TIAM1: variants seen among roughly 807,000 people sequenced by gnomAD.
The protein encoded by TIAM1 is rho guanine nucleotide exchange factor TIAM1.
In TIAM1, 65 loss-of-function variants were observed where a neutral mutation model predicts 163.5. That is an observed-to-expected ratio of 0.40 (90% CI 0.33 to 0.49). The LOEUF (loss-of-function observed/expected upper bound fraction) is 0.49, where lower values mean the gene tolerates loss of function less well. TIAM1 is among the 20% of genes least tolerant of loss of function. The pLI, the probability that TIAM1 is intolerant of heterozygous loss-of-function variation, is 0.77. For synonymous variants in TIAM1, 833 were observed against 810.1 expected (o/e 1.03, Z -0.48); for missense variants, 1,789 against 2,044.7 (o/e 0.87, Z 2.41).
chr21:31,255,778 T>A (rs7283333), intron 4 of TIAM1, among the ~76,000 whole-genome samples: 1 of 152,146 alleles, frequency 6.6e-6, no homozygotes, highest in Non-Finnish European at 1.5e-5. Context: ...ATGATCTAGC[T>A]GAGACTTCCA....
intron 4 of TIAM1, among the ~76,000 whole-genome samples, chr21:31,263,963 G>C (rs572689318): frequency 3.3e-5 from 5 of 152,270 alleles, no homozygotes; most frequent in African/African-American, 1.2e-4. Flanking sequence ...AGGGTAGACA[G>C]AGGGGCTGCA....
At position 31,501,198 on chromosome 21, in the gene TIAM1, G is replaced by A. The variant is rs181061609; in HGVS notation, c.-421-37163C>T. 1.0e-3 allele frequency among the ~76,000 whole-genome samples: 154 copies of A among 152,258 alleles called. 1 individual carries two copies. Among genetic ancestry groups the A allele is most frequent in the Admixed American group, 8.6e-3 (131 of 15,284 alleles). On this transcript the variant is annotated intron_variant, in intron 1 of 28. Transcript: ENST00000286827. ...AAGGACCTTCAGATGCAGTCCAGAA[G>A]GTCAGGACCACACATTCCATTACTG... is the stretch of plus-strand genomic sequence containing the variant.
chr21:31,526,744 C>A (rs552177331), intron 1 of TIAM1, among the ~76,000 whole-genome samples: 1 of 152,090 alleles, frequency 6.6e-6, no homozygotes, highest in Admixed American at 6.5e-5. Flanking sequence ...CTATGTCACC[C>A]AGGCTGGAGT....
At chr21:31,276,302 G>T (rs996779730) in intron 3 of TIAM1, among the ~76,000 whole-genome samples, 3 of 152,182 alleles carry the variant, frequency 2.0e-5, no homozygotes, top group African/African-American at 7.2e-5. Context: ...ACAAATATAA[G>T]ATGATCTTTG....
intron 2 of TIAM1, among the ~76,000 whole-genome samples, chr21:31,407,106 G>A (rs765202010): frequency 2.0e-5 from 3 of 152,158 alleles, no homozygotes; most frequent in South Asian, 4.1e-4. Flanking sequence ...AGGTTCTCTC[G>A]AAACATCTCA....
intron 2 of TIAM1, among the ~76,000 whole-genome samples, chr21:31,291,523 GTTTA>G (rs1004675641): frequency 3.3e-5 from 5 of 151,702 alleles, no homozygotes; most frequent in South Asian, 2.1e-4. Flanking sequence ...TTATTTATTT[GTTTA>G]TTTATTTATT....
chr21:31,272,274 C>T (rs2073090638), intron 3 of TIAM1, among the ~76,000 whole-genome samples: 1 of 151,936 alleles, frequency 6.6e-6, no homozygotes, highest in Non-Finnish European at 1.5e-5. Flanking sequence ...TGTATGTGTA[C>T]CACCGTAAAG....
intron 2 of TIAM1, among the ~76,000 whole-genome samples, chr21:31,354,570 T>A (rs2147122937): frequency 6.6e-6 from 1 of 152,180 alleles, no homozygotes; most frequent in Non-Finnish European, 1.5e-5. Flanking sequence ...CTCCCTGAAG[T>A]ACTAATGTTG....
intron 14 of TIAM1, 29 bp downstream of exon 14, chr21:31,186,972 G>T: frequency 6.2e-7 from 1 of 1,602,238 alleles, no homozygotes; most frequent in South Asian, 1.1e-5. Context: ...ATTTAAGACA[G>T]ACAGACCAGC....
At chr21:31,196,563 G>T (rs957329902) in intron 12 of TIAM1, among the ~76,000 whole-genome samples, 1 of 148,230 alleles carries the variant, frequency 6.7e-6, no homozygotes, top group South Asian at 2.1e-4. Context: ...CAAATGATCC[G>T]CCCACCTCAG....
rs932199200 is a variant in TIAM1, at chr21:31,303,713, T to C, written c.-188-26805A>G. On this transcript the variant is annotated intron_variant, in intron 2 of 27. Transcript: ENST00000541036. The stretch of plus-strand genomic sequence containing the variant: ...CAAAAAGTGGTCGGGCATGGTGGCT[T>C]ACCCTTGTAATCCCAGCACTTTGGG... 5.3e-5 allele frequency among the ~76,000 whole-genome samples: 8 copies of C among 152,062 alleles called. No individual in the cohort carries two copies. The East Asian group carries it at 1.4e-3, about 26-fold the overall frequency.
chr21:31,210,605 G>A (rs868663906), intron 10 of TIAM1, among the ~76,000 whole-genome samples: 147 of 56,632 alleles, frequency 2.6e-3, no homozygotes, highest in Middle Eastern at 0.013. Context: ...AGAGAAAGAA[G>A]GAAGGAAGGG....
intron 2 of TIAM1, among the ~76,000 whole-genome samples, chr21:31,386,842 C>T (rs1217762031): frequency 2.0e-5 from 3 of 152,220 alleles, no homozygotes; most frequent in African/African-American, 2.4e-5. Context: ...AGAATAACTA[C>T]AGGATACAGG....
intron 2 of TIAM1, among the ~76,000 whole-genome samples, chr21:31,305,243 A>G (rs1422734625): frequency 6.6e-6 from 1 of 152,236 alleles, no homozygotes; most frequent in African/African-American, 2.4e-5. Context: ...TGGAGCCAAC[A>G]GTTTTCACTG....
Position 31,245,569 on chromosome 21 carries a change from A to G in TIAM1, c.1503T>C (p.Ile501=), listed in dbSNP as rs2071456294. ...TGGGGTGCTCAGGCACCGCCTGCAC[A>G]ATGCTGTTCTCCACCCAGACGGCGT... is the stretch of plus-strand genomic sequence containing the variant. ...PKHAVWVENS[I]VQAVPEHPKK... The change falls in exon 6 of 28, where the codon ATT becomes ATC. Residue 501 remains isoleucine (I), a synonymous_variant. Coordinates refer to ENST00000541036, the MANE Select transcript of TIAM1 (RefSeq NM_001353694.2). 3 of 1,607,974 alleles carry G rather than the reference A, an allele frequency of 1.9e-6. No homozygotes were observed. The highest frequency in any genetic ancestry group is 4.5e-5 in the East Asian group (2 of 44,412).
At chr21:31,282,869 T>C (rs1380979015) in intron 2 of TIAM1, among the ~76,000 whole-genome samples, 2 of 152,254 alleles carry the variant, frequency 1.3e-5, no homozygotes, top group Non-Finnish European at 2.9e-5. Flanking sequence ...CAGACTGCCC[T>C]AGTTTTGGGC....
intron 6 of TIAM1, among the ~76,000 whole-genome samples, chr21:31,236,275 TA>T (rs1382699079): frequency 6.6e-6 from 1 of 152,106 alleles, no homozygotes; most frequent in African/African-American, 2.4e-5. Flanking sequence ...AAAGCCTCCA[TA>T]AAAAAATATT....
chr21:31,207,784 T>C (rs1482989926), intron 11 of TIAM1, among the ~76,000 whole-genome samples: 1 of 152,182 alleles, frequency 6.6e-6, no homozygotes, highest in Non-Finnish European at 1.5e-5. Flanking sequence ...CAGATGGGGT[T>C]TTGCCATGTT....
chr21:31,512,815 T>G (rs1030821212), intron 1 of TIAM1, among the ~76,000 whole-genome samples: 1 of 145,704 alleles, frequency 6.9e-6, no homozygotes, highest in Non-Finnish European at 1.5e-5. Context: ...TTGTTTGTTT[T>G]GTATTTTTGG....
Sources: gnomAD v4.1 joint callset for allele counts (sites outside exome capture counted in the v4.1 genomes callset) on GRCh38, gnomAD v4.1.1 for gene constraint, MANE v1.5 for transcripts, NCBI Gene and HGNC (gene_info 2026-07-23, HGNC 2026-07-21) for gene names.